Variants in UGGT1 observed in about 807,000 individuals in gnomAD.
UGGT1 encodes UDP-glucose glycoprotein glucosyltransferase 1.
UGGT1 carries 107 observed loss-of-function variants against 203.9 expected under a neutral mutation model. That is an observed-to-expected ratio of 0.52 (90% CI 0.45 to 0.62). The LOEUF (loss-of-function observed/expected upper bound fraction) is 0.62. Among genes scored for constraint, UGGT1 ranks in the 20% least tolerant of loss-of-function variants. The pLI is 0.00. For missense variants in UGGT1, 1,673 were observed against 1,867.2 expected, an observed-to-expected ratio of 0.90 and a Z score of 1.92; for synonymous variants, 628 against 653.5, an observed-to-expected ratio of 0.96 and a Z score of 0.59.
chr2:128,161,635 C>T (rs894493085), intron 25 of UGGT1, among the ~76,000 whole-genome samples: 1 of 152,048 alleles, frequency 6.6e-6, no homozygotes. Flanking sequence ...TTATTTTGTT[C>T]AGGAAAGGAA....
At chr2:128,161,053 C>T (rs996380017) in intron 24 of UGGT1, 85 bp from the exon 25 acceptor site, 10 of 1,530,706 alleles carry the variant, frequency 6.5e-6, no homozygotes, top group Admixed American at 2.0e-5. Context: ...ATGAGGTAGC[C>T]TGAGGACGCC....
chr2:128,171,349 TGTTAGAGGATCA>T, intron 28 of UGGT1, 65 bp downstream of exon 28: 1 of 1,421,020 alleles, frequency 7.0e-7, no homozygotes, highest in South Asian at 1.2e-5. Context: ...TGATATTGCA[TGTTAGAGGATCA>T]GATGGATTTA....
chr2:128,134,155 A>T (rs956458994), intron 14 of UGGT1, among the ~76,000 whole-genome samples: 1 of 151,972 alleles, frequency 6.6e-6, no homozygotes, highest in Admixed American at 6.6e-5. Context: ...CTCCTGCCTC[A>T]CCTCCCAGTA....
At chr2:128,189,226 G>T (rs547772666) in intron 40 of UGGT1, among the ~76,000 whole-genome samples, 12 of 152,250 alleles carry the variant, frequency 7.9e-5, no homozygotes, top group Admixed American at 7.2e-4. Context: ...CCCGTAAGGC[G>T]TTTATATACC....
rs533405539 is a variant in UGGT1, at chr2:128,191,925, G to T, written c.*2183G>T. 6.6e-6 allele frequency: 1 copy of T among 152,170 alleles called. No individual in the cohort carries two copies. Among genetic ancestry groups the T allele is most frequent in the South Asian group, 2.1e-4 (1 of 4,834 alleles). 9.4% of individuals were successfully genotyped at this position (152,170 alleles called of 1,614,324 possible). On this transcript the variant is annotated 3_prime_UTR_variant, in exon 41 of 41. Transcript: ENST00000259253. ...TCACATTGAATGAAAGCATTCAGAC[G>T]GGTGACTGCTGCTGTCCACAACTGT... is the stretch of plus-strand genomic sequence containing the variant.
chr2:128,116,228 C>A, intron 7 of UGGT1, 37 bp from the exon 8 acceptor site: 3 of 1,354,118 alleles, frequency 2.2e-6, no homozygotes, highest in South Asian at 1.2e-5. Flanking sequence ...CAAATCTGAG[C>A]AATTATTAAT....
In UGGT1 at chr2:128,190,161, G is replaced by T. The variant is rs147547080; in HGVS notation, c.*419G>T. 2.9e-3 allele frequency: 460 copies of T among 161,154 alleles called. 3 individuals carry two copies. The highest frequency in any genetic ancestry group is 3.8e-3 in the Non-Finnish European group (276 of 73,054). 10.0% of individuals were successfully genotyped at this position (161,154 alleles called of 1,614,324 possible). A position where few individuals can be genotyped will look rare whatever the true frequency, so the allele number is the denominator to read the frequency against. On this transcript the variant is annotated 3_prime_UTR_variant, in exon 41 of 41. Transcript: ENST00000259253. ...CTGCGGCCTGCGCTGCACTGCAGAT[G>T]CCCACCCTGCCCTGGGTCTGGCCGG...
intron 15 of UGGT1, among the ~76,000 whole-genome samples, chr2:128,137,392 G>A (rs773989161): frequency 2.0e-5 from 3 of 152,196 alleles, no homozygotes; most frequent in Admixed American, 2.0e-4. Context: ...CTCTGGCCTC[G>A]GCAACAGAGC....
At chr2:128,170,688 A>G (rs1451017223) in intron 27 of UGGT1, among the ~76,000 whole-genome samples, 2 of 152,264 alleles carry the variant, frequency 1.3e-5, no homozygotes, top group African/African-American at 2.4e-5. Context: ...AATTTATAAT[A>G]TCAGAGATAA....
chr2:128,152,328 C>T (rs543805324), intron 18 of UGGT1, among the ~76,000 whole-genome samples: 10 of 152,220 alleles, frequency 6.6e-5, no homozygotes, highest in South Asian at 4.1e-4. Context: ...CCACCATGCC[C>T]GGCTACTTTT....
rs769678891 is a variant in UGGT1 at position 128,117,989 on chromosome 2, TGTGTGAGAGA to T, written c.872+1648_872+1657del. On this transcript the variant is annotated intron_variant, in intron 8 of 40. Transcript: ENST00000259253. ...GTGTGTGTGTGTGTCTGTGTGTGTG[TGTGTGAGAGA>T]GAGAGAGAGAGAGAGAGGGAAAGAG... Among the ~76,000 whole-genome samples the T allele has an allele frequency of 3.8e-4, 33 of 86,296 alleles. No homozygotes were observed. In the East Asian group the frequency reaches 6.4e-3, roughly 17 times the overall value. The allele number at this position is 86,296 out of a possible 152,430, so 56.6% of individuals were successfully genotyped here.
At chr2:128,187,717 C>A in intron 40 of UGGT1, 103 bp downstream of exon 40, 1 of 1,249,328 alleles carries the variant, frequency 8.0e-7, no homozygotes, top group Non-Finnish European at 1.1e-6. Context: ...AGAAAAATCT[C>A]CTATTAATCC....
rs895536060 is a variant in UGGT1 at position 128,120,368 on chromosome 2, C to T, written c.885C>T (p.Pro295=). The change falls in exon 9 of 41, where the codon CCC becomes CCT. Residue 295 remains proline, a synonymous_variant. Transcript: ENST00000259253. ...ATGTTTCTTTTAGAGATCTGCACCC[C>T]GACCTGGAGGGACAGTTGAAAGAAC... ...FLFGKLRDLH[P]DLEGQLKELR... is the part of the protein sequence containing the mutation. The T allele has an allele frequency of 1.5e-5, 25 of 1,613,470 alleles. No individual in the cohort carries two copies. The highest frequency in any genetic ancestry group is 1.1e-4 in the East Asian group (5 of 44,856).
chr2:128,118,078 C>A (rs1299074261), intron 8 of UGGT1, among the ~76,000 whole-genome samples: 1 of 151,736 alleles, frequency 6.6e-6, no homozygotes, highest in African/African-American at 2.4e-5. Context: ...TTATATACTT[C>A]AGCTTTGAGA....
intron 15 of UGGT1, among the ~76,000 whole-genome samples, chr2:128,136,869 A>T (rs985264729): frequency 6.6e-6 from 1 of 152,192 alleles, no homozygotes; most frequent in Admixed American, 6.5e-5. Context: ...CCTTGCCAGC[A>T]TTTGGTTTTA....
At chr2:128,096,927 T>C (rs1687140684) in intron 1 of UGGT1, among the ~76,000 whole-genome samples, 1 of 152,230 alleles carries the variant, frequency 6.6e-6, no homozygotes, top group Non-Finnish European at 1.5e-5. Context: ...GTGCCTTCAG[T>C]TACATATCAG....
intron 2 of UGGT1, among the ~76,000 whole-genome samples, chr2:128,101,985 A>G (rs1480662912): frequency 1.3e-5 from 2 of 152,162 alleles, no homozygotes; most frequent in African/African-American, 2.4e-5. Flanking sequence ...AAACATTTAT[A>G]TATGGAGAGA....
rs540893606 is a variant in UGGT1 at position 128,177,259 on chromosome 2, T to C, written c.3624+361T>C. On this transcript the variant is annotated intron_variant, in intron 32 of 40. Coordinates refer to ENST00000259253, the MANE Select transcript of UGGT1 (RefSeq NM_020120.4). ...AATGATAGTCCTATTTAATTTCTTT[T>C]GACTTGTACTTTCCGTTCTCTGAAT... Among the ~76,000 whole-genome samples, 12 of 152,350 alleles carry C rather than the reference T, an allele frequency of 7.9e-5. No homozygotes were observed. The East Asian group carries it at 2.1e-3, about 27-fold the overall frequency.
chr2:128,134,814 TC>T, intron 14 of UGGT1, 61 bp from the exon 15 acceptor site: 1 of 1,483,862 alleles, frequency 6.7e-7, no homozygotes, highest in Non-Finnish European at 9.3e-7. Flanking sequence ...ATAACATTTT[TC>T]TCGGCCCACA....
Sources: allele counts gnomAD v4.1 joint callset (sites outside exome capture counted in the v4.1 genomes callset), GRCh38; gene constraint gnomAD v4.1.1; transcripts MANE v1.5; gene names NCBI Gene and HGNC (gene_info 2026-07-23, HGNC 2026-07-21).